Variants in COL12A1 observed in about 807,000 individuals in gnomAD.
The protein encoded by COL12A1 is collagen alpha-1(XII) chain.
COL12A1 carries 114 observed loss-of-function variants against 349.7 expected under a neutral mutation model. The observed-to-expected ratio is 0.33, with a 90% CI of 0.28 to 0.38. COL12A1 has a LOEUF of 0.38. COL12A1 is among the 10% of genes least tolerant of loss of function. The pLI, the probability that COL12A1 is intolerant of heterozygous loss-of-function variation, is 1.00. For synonymous variants in COL12A1, 1,369 were observed against 1,329.0 expected, an observed-to-expected ratio of 1.03 and a Z score of -0.66; for missense variants, 3,284 against 3,756.9, an observed-to-expected ratio of 0.87 and a Z score of 3.29.
In COL12A1 at chr6:75,085,167, C is replaced by T; in HGVS notation, c.*1380G>A. 1 of 457,600 alleles carries T rather than the reference C, an allele frequency of 2.2e-6. No homozygotes were observed. The highest frequency in any genetic ancestry group is 4.5e-6 in the Non-Finnish European group (1 of 222,238). 28.3% of individuals were successfully genotyped at this position (457,600 alleles called of 1,614,324 possible). A position where few individuals can be genotyped will look rare whatever the true frequency, so the allele number is the denominator to read the frequency against. On this transcript the variant is annotated 3_prime_UTR_variant, in exon 66 of 66. Coordinates refer to ENST00000322507, the MANE Select transcript of COL12A1 (RefSeq NM_004370.6). ...ATTTCAACACCTCCCCCAAGCCTCGCGGCGCGGCGCGTGATCTCTGGTTCA... is the reference window on the plus strand; with the variant it reads ...ATTTCAACACCTCCCCCAAGCCTCGTGGCGCGGCGCGTGATCTCTGGTTCA...
At position 75,176,460 on chromosome 6, in the gene COL12A1, G is replaced by A. The variant is rs1203928956; in HGVS notation, c.2438-1150C>T. On this transcript the variant is annotated intron_variant, in intron 12 of 65. Coordinates refer to ENST00000322507, the MANE Select transcript of COL12A1 (RefSeq NM_004370.6). ...TGGGAGGGAGGGCAGTGGGCGGTGG[G>A]AGCATGACGCAGTGGGGGAGGAGGG... 2.0e-5 allele frequency among the ~76,000 whole-genome samples: 3 copies of A among 150,940 alleles called. No homozygotes were observed. The East Asian group carries it at 5.9e-4, about 29-fold the overall frequency.
At chr6:75,184,343 A>T (rs1163302302) in intron 8 of COL12A1, among the ~76,000 whole-genome samples, 199 bp from the exon 9 acceptor site, 1 of 152,196 alleles carries the variant, frequency 6.6e-6, no homozygotes, top group African/African-American at 2.4e-5. Flanking sequence ...GCTTTTAGTC[A>T]AATTGCTGAG....
intron 13 of COL12A1, among the ~76,000 whole-genome samples, chr6:75,174,708 A>G (rs561849561): frequency 1.3e-5 from 2 of 152,288 alleles, no homozygotes; most frequent in East Asian, 3.9e-4. Context: ...ACCTTTTTTC[A>G]TAGATGTTTC....
Position 75,189,596 on chromosome 6 carries a change from G to A in COL12A1, c.614C>T (p.Ala205Val). The change falls in exon 6 of 66, where the codon GCT (alanine) becomes GTT (valine). Residue 205 changes from alanine (A) to valine (V), a missense_variant. Physicochemically the swap from Ala to Val is moderately conservative, Grantham distance 64. Coordinates refer to ENST00000322507, the MANE Select transcript of COL12A1 (RefSeq NM_004370.6). ...NQYYQRDELL[A>V]AIKKIPYKGG... ...TTTATATGGAATTTTTTTTATTGCAGCAAGAAGTTCATCCCTTTGGTAGTA... is the reference window on the plus strand; with the variant it reads ...TTTATATGGAATTTTTTTTATTGCAACAAGAAGTTCATCCCTTTGGTAGTA... 6.2e-7 allele frequency: 1 copy of A among 1,612,970 alleles called. No homozygotes were observed. Among genetic ancestry groups the A allele is most frequent in the Non-Finnish European group, 8.5e-7 (1 of 1,179,396 alleles).
intron 59 of COL12A1, 122 bp downstream of exon 59, chr6:75,097,131 C>A: frequency 3.3e-6 from 2 of 609,954 alleles, no homozygotes; most frequent in Admixed American, 5.8e-5. Context: ...AATAAAAACA[C>A]AGTTCCCTCA....
chr6:75,190,587 G>A (rs909631309), intron 5 of COL12A1, among the ~76,000 whole-genome samples: 1 of 151,878 alleles, frequency 6.6e-6, no homozygotes, highest in Non-Finnish European at 1.5e-5. Flanking sequence ...TTTTGTAACT[G>A]AATATGTTAT....
chr6:75,123,477 A>G, intron 42 of COL12A1, 73 bp from the exon 43 acceptor site: 1 of 1,214,910 alleles, frequency 8.2e-7, no homozygotes, highest in East Asian at 2.5e-5. Context: ...AAATTTTAAG[A>G]GCAATTTAAA....
rs9360880 is a variant in COL12A1, at chr6:75,095,401, A to G, written c.8578-222T>C. On this transcript the variant is annotated intron_variant, in intron 59 of 65. Transcript: ENST00000322507. Reference sequence around the variant, plus strand: ...GGGAGGCCGAGGCGGGTGGATCATGAGGTCAGGAGATCGAGACCATCCTGG... The same window carrying G: ...GGGAGGCCGAGGCGGGTGGATCATGGGGTCAGGAGATCGAGACCATCCTGG... 0.017 allele frequency among the ~76,000 whole-genome samples: 2,554 copies of G among 151,996 alleles called. 35 individuals are homozygous for G. Among genetic ancestry groups the G allele is most frequent in the Admixed American group, 0.05 (764 of 15,276 alleles).
chr6:75,143,575 G>GC (rs1767021634), intron 25 of COL12A1, among the ~76,000 whole-genome samples, 187 bp from the exon 26 acceptor site: 1 of 152,138 alleles, frequency 6.6e-6, no homozygotes, highest in South Asian at 2.1e-4. Flanking sequence ...TCTTAAGAAG[G>GC]TTTTTCAAAA....
chr6:75,189,907 C>A, intron 5 of COL12A1, 92 bp from the exon 6 acceptor site: 1 of 1,329,172 alleles, frequency 7.5e-7, no homozygotes, highest in South Asian at 1.4e-5. Flanking sequence ...CTCCTTAAAT[C>A]ATTCTGTTCA....
chr6:75,085,640 C>G lies in COL12A1; in HGVS notation c.*907G>C. The G allele has an allele frequency of 4.0e-6, 1 of 248,626 alleles. No individual in the cohort carries two copies. The highest frequency in any genetic ancestry group is 8.3e-6 in the Non-Finnish European group (1 of 120,082). 15.4% of individuals were successfully genotyped at this position (248,626 alleles called of 1,614,324 possible). ...AAGGGTCAGAGACTGGGCCAAAGAACTGTAAACGCAGTAACTAAGTAGGAT... is the reference window on the plus strand; with the variant it reads ...AAGGGTCAGAGACTGGGCCAAAGAAGTGTAAACGCAGTAACTAAGTAGGAT... On this transcript the variant is annotated 3_prime_UTR_variant, in exon 66 of 66. Coordinates refer to ENST00000322507, the MANE Select transcript of COL12A1 (RefSeq NM_004370.6).
At chr6:75,194,331 T>C (rs1770108121) in intron 3 of COL12A1, among the ~76,000 whole-genome samples, 1 of 152,178 alleles carries the variant, frequency 6.6e-6, no homozygotes, top group Admixed American at 6.6e-5. Flanking sequence ...TTTCCAAGGA[T>C]TCAGCCTAGT....
chr6:75,119,391 G>T lies in COL12A1; in HGVS notation c.7169C>A (p.Ala2390Asp). ...TCCTCTGTACCTAATATTCTGGAGG[G>T]CCCCAAGGGCTAGGGCCTTGTCATT... Reference protein sequence around the residue: ...TYNDKALALGALQNIRYRGGN... With the variant: ...TYNDKALALGDLQNIRYRGGN... The change falls in exon 45 of 66, where the codon GCC (alanine) becomes GAC (aspartate). Residue 2390 changes from alanine to aspartate, a missense_variant. Ala to Asp is a moderately radical substitution (Grantham distance 126). This residue lies in a region of COL12A1 where 683 missense variants were observed against 932.1 expected (regional missense o/e 0.73). Coordinates refer to ENST00000322507, the MANE Select transcript of COL12A1 (RefSeq NM_004370.6). 1 of 1,613,886 alleles carries T rather than the reference G, an allele frequency of 6.2e-7. No individual in the cohort carries two copies. The highest frequency in any genetic ancestry group is 8.5e-7 in the Non-Finnish European group (1 of 1,179,882).
At position 75,142,165 on chromosome 6, in the gene COL12A1, T is replaced by C. The variant is rs1766927221; in HGVS notation, c.4828-4A>G. On this transcript the variant is annotated splice_polypyrimidine_tract_variant and splice_region_variant and intron_variant, in intron 26 of 65. Transcript: ENST00000322507. ...TCTCTGATCTGTCCACCTCTACCTATAACAGTAACAGAGCAGTGGAACTAC... is the reference window on the plus strand; with the variant it reads ...TCTCTGATCTGTCCACCTCTACCTACAACAGTAACAGAGCAGTGGAACTAC... 1.2e-6 allele frequency: 2 copies of C among 1,613,906 alleles called. No individual in the cohort carries two copies. The highest frequency in any genetic ancestry group is 1.7e-6 in the Non-Finnish European group (2 of 1,179,924).
chr6:75,194,294 G>A (rs943329650), intron 3 of COL12A1, among the ~76,000 whole-genome samples: 2 of 152,098 alleles, frequency 1.3e-5, no homozygotes, highest in Admixed American at 6.6e-5. Flanking sequence ...TAATGCCTGA[G>A]AACAAGCAAA....
At chr6:75,201,526 A>G (rs1582231151) in intron 2 of COL12A1, among the ~76,000 whole-genome samples, 1 of 152,010 alleles carries the variant, frequency 6.6e-6, no homozygotes, top group African/African-American at 2.4e-5. Context: ...ATACTTTCTC[A>G]CAGCCTCTAA....
chr6:75,192,462 T>C lies in COL12A1; in HGVS notation c.191-107A>G, dbSNP rs890955214. The C allele has an allele frequency of 7.2e-5, 75 of 1,039,970 alleles. No individual in the cohort carries two copies. The East Asian group carries it at 1.8e-3, about 25-fold the overall frequency. 64.4% of individuals were successfully genotyped at this position (1,039,970 alleles called of 1,614,324 possible). A position where few individuals can be genotyped will look rare whatever the true frequency, so the allele number is the denominator to read the frequency against. ...CTCAAAATCTGAAAAATTCAGTATA[T>C]ACATTTTTTCAGGACACTCAAACAT... On this transcript the variant is annotated intron_variant, in intron 3 of 65. Transcript: ENST00000322507.
intron 14 of COL12A1, among the ~76,000 whole-genome samples, chr6:75,162,308 C>T (rs889870373): frequency 6.6e-6 from 1 of 150,986 alleles, no homozygotes; most frequent in Non-Finnish European, 1.5e-5. Context: ...ACGTAAAGTG[C>T]AATAAATAGA....
At chr6:75,187,596 G>T (rs141521411) in intron 8 of COL12A1, among the ~76,000 whole-genome samples, 43 of 152,232 alleles carry the variant, frequency 2.8e-4, no homozygotes, top group Non-Finnish European at 5.3e-4. Flanking sequence ...GTAATGAGAG[G>T]TTCTGAGACA....
Sources: allele counts gnomAD v4.1 joint callset (sites outside exome capture counted in the v4.1 genomes callset), GRCh38; gene constraint gnomAD v4.1.1; regional missense constraint gnomAD v4.1.1; transcripts MANE v1.5; gene names NCBI Gene and HGNC (gene_info 2026-07-23, HGNC 2026-07-21).